Variants in GPR158 observed in about 807,000 individuals in gnomAD.
GPR158 encodes G protein-coupled receptor 158.
Under a neutral mutation model 78.2 loss-of-function variants are expected in GPR158, and 30 were observed. The observed-to-expected ratio is 0.38, with a 90% CI of 0.29 to 0.52. The LOEUF is 0.52. Ranked by LOEUF, GPR158 falls within the 20% of genes least tolerant of loss-of-function variation. The pLI is 0.83. For synonymous variants in GPR158, 581 were observed against 591.1 expected (o/e 0.98, Z 0.25); for missense variants, 1,463 against 1,523.5 (o/e 0.96, Z 0.66).
intron 2 of GPR158, among the ~76,000 whole-genome samples, chr10:25,349,260 C>T (rs868343170): frequency 2.6e-5 from 4 of 151,930 alleles, no homozygotes; most frequent in South Asian, 2.1e-4. Flanking sequence ...CACCTCCTTT[C>T]CTGACTCTGA....
At chr10:25,443,984 G>A (rs1835104570) in intron 4 of GPR158, among the ~76,000 whole-genome samples, 1 of 152,040 alleles carries the variant, frequency 6.6e-6, no homozygotes, top group East Asian at 1.9e-4. Flanking sequence ...TGTATGCTGT[G>A]AGCTTGCTGG....
intron 2 of GPR158, among the ~76,000 whole-genome samples, chr10:25,251,924 C>T (rs912359055): frequency 2.4e-4 from 36 of 152,246 alleles, no homozygotes; most frequent in African/African-American, 8.7e-4. Flanking sequence ...AACTTGGTTC[C>T]ATTCTCCCTG....
chr10:25,211,396 G>A (rs575553792), intron 1 of GPR158, among the ~76,000 whole-genome samples: 5 of 152,196 alleles, frequency 3.3e-5, no homozygotes, highest in Non-Finnish European at 7.3e-5. Flanking sequence ...CACACGTGGT[G>A]AGGGTCTTGT....
Position 25,594,393 on chromosome 10 carries a change from C to CA in GPR158, c.1997dup (p.Phe667ValfsTer7). On this transcript the variant is annotated frameshift_variant, in exon 9 of 11. Coordinates refer to ENST00000376351, the MANE Select transcript of GPR158 (RefSeq NM_020752.3). LOFTEE classifies it high-confidence loss of function. ...GTCACCATTGGGTTGCTTTTGATTCCAAAGGTATTCTTCTAATATTACTTT... is the reference window on the plus strand; with the variant it reads ...GTCACCATTGGGTTGCTTTTGATTCCAAAAGGTATTCTTCTAATATTACTTT... 1 of 1,417,924 alleles carries CA rather than the reference C, an allele frequency of 7.1e-7. No homozygotes were observed. The highest frequency in any genetic ancestry group is 9.9e-7 in the Non-Finnish European group (1 of 1,012,952). The allele number at this position is 1,417,924 out of a possible 1,614,324, so 87.8% of individuals were successfully genotyped here.
chr10:25,422,267 G>A (rs1834761542), intron 4 of GPR158, among the ~76,000 whole-genome samples: 1 of 152,138 alleles, frequency 6.6e-6, no homozygotes, highest in South Asian at 2.1e-4. Context: ...AACCCCTGGG[G>A]CTGCACAGCA....
chr10:25,521,354 C>G (rs1836270211), intron 5 of GPR158, among the ~76,000 whole-genome samples: 1 of 152,160 alleles, frequency 6.6e-6, no homozygotes, highest in Non-Finnish European at 1.5e-5. Flanking sequence ...AGCTGTAGGC[C>G]GGAGCTGTTC....
At chr10:25,372,471 A>G (rs1373393721) in intron 2 of GPR158, among the ~76,000 whole-genome samples, 1 of 144,778 alleles carries the variant, frequency 6.9e-6, no homozygotes, top group Non-Finnish European at 1.5e-5. Context: ...ATGTCCAACA[A>G]TGATAGACTG....
chr10:25,223,431 T>C (rs990789113), intron 2 of GPR158, among the ~76,000 whole-genome samples: 4 of 152,144 alleles, frequency 2.6e-5, no homozygotes, highest in African/African-American at 9.7e-5. Context: ...TCACACATTG[T>C]ATTGGGCTTC....
At chr10:25,208,351 C>T (rs556984570) in intron 1 of GPR158, among the ~76,000 whole-genome samples, 4 of 152,160 alleles carry the variant, frequency 2.6e-5, no homozygotes, top group South Asian at 4.1e-4. Context: ...TTACCTACAG[C>T]GTTATAATTG....
chr10:25,442,187 A>T (rs926195671), intron 4 of GPR158, among the ~76,000 whole-genome samples: 3 of 151,118 alleles, frequency 2.0e-5, no homozygotes, highest in African/African-American at 2.5e-5. Context: ...AAAAGCTACA[A>T]GAACAGAAAG....
chr10:25,404,669 A>AT (rs919821463), intron 3 of GPR158, among the ~76,000 whole-genome samples: 1 of 152,006 alleles, frequency 6.6e-6, no homozygotes, highest in Non-Finnish European at 1.5e-5. Flanking sequence ...GTCTTTTGTA[A>AT]TTTTAATATA....
chr10:25,241,111 A>T lies in GPR158; in HGVS notation c.1008+19954A>T, dbSNP rs191156284. Among the ~76,000 whole-genome samples, 296 of 147,856 alleles carry T rather than the reference A, an allele frequency of 2.0e-3. 2 individuals are homozygous for T. The highest frequency in any genetic ancestry group is 6.4e-4 in the East Asian group (3 of 4,714). The stretch of plus-strand genomic sequence containing the variant: ...TTAACTCAATTATGACCAAATATTG[A>T]ATTTTTACTTTGATTTTCTTTCTTT... On this transcript the variant is annotated intron_variant, in intron 2 of 10. Transcript: ENST00000376351.
At chr10:25,365,129 A>G (rs1421813260) in intron 2 of GPR158, among the ~76,000 whole-genome samples, 1 of 151,816 alleles carries the variant, frequency 6.6e-6, no homozygotes, top group Admixed American at 6.6e-5. Flanking sequence ...CTAAGGACAT[A>G]TATACATCCT....
intron 5 of GPR158, among the ~76,000 whole-genome samples, chr10:25,543,985 G>A (rs1836625355): frequency 6.6e-6 from 1 of 152,150 alleles, no homozygotes; most frequent in African/African-American, 2.4e-5. Flanking sequence ...AAATTATAGT[G>A]AGTTCCCAAG....
chr10:25,257,519 A>T (rs1853906223), intron 2 of GPR158, among the ~76,000 whole-genome samples: 1 of 152,184 alleles, frequency 6.6e-6, no homozygotes, highest in African/African-American at 2.4e-5. Context: ...TATTTTCTAC[A>T]CTTGATCTTA....
chr10:25,468,650 A>G (rs1835455734), intron 5 of GPR158, among the ~76,000 whole-genome samples: 1 of 152,332 alleles, frequency 6.6e-6, no homozygotes, highest in East Asian at 1.9e-4. Context: ...AAATGTATGT[A>G]TGGTGCTAGT....
chr10:25,316,909 GTTTA>G (rs60315384), intron 2 of GPR158, among the ~76,000 whole-genome samples: 19,065 of 114,708 alleles, frequency 0.17, 1,473 homozygotes, highest in African/African-American at 0.36. Flanking sequence ...GTGTGTGTGT[GTTTA>G]TGTGTGTGTG....
intron 2 of GPR158, among the ~76,000 whole-genome samples, chr10:25,246,822 C>G (rs1187656472): frequency 1.3e-5 from 2 of 152,186 alleles, no homozygotes; most frequent in Admixed American, 1.3e-4. Flanking sequence ...GTGGCACTAA[C>G]AAGCATGAGA....
At chr10:25,184,863 G>A (rs1471923040) in intron 1 of GPR158, among the ~76,000 whole-genome samples, 1 of 152,060 alleles carries the variant, frequency 6.6e-6, no homozygotes, top group Non-Finnish European at 1.5e-5. Context: ...CCCGTCAATT[G>A]CTTGGAATAA....
Sources: gnomAD v4.1 joint callset for allele counts (sites outside exome capture counted in the v4.1 genomes callset) on GRCh38, gnomAD v4.1.1 for gene constraint, MANE v1.5 for transcripts, NCBI Gene and HGNC (gene_info 2026-07-23, HGNC 2026-07-21) for gene names.